The following DNAJB5 variants were observed in gnomAD, a reference collection of about 807,000 sequenced individuals.
The protein encoded by DNAJB5 is DnaJ heat shock protein family (Hsp40) member B5.
Under a neutral mutation model 32.6 loss-of-function variants are expected in DNAJB5, and 12 were observed. The observed-to-expected ratio is 0.37, with a 90% CI of 0.24 to 0.60. The LOEUF (loss-of-function observed/expected upper bound fraction) is 0.60. DNAJB5 is among the 20% of genes least tolerant of loss of function. DNAJB5 has a pLI of 0.71. For synonymous variants in DNAJB5, 188 were observed against 212.9 expected (o/e 0.88, Z 1.02); for missense variants, 358 against 554.2 (o/e 0.65, Z 3.55).
chr9:34,990,678 A>C lies in DNAJB5; in HGVS notation c.48A>C (p.Pro16=). The C allele has an allele frequency of 6.4e-7, 1 of 1,551,504 alleles. No homozygotes were observed. Among genetic ancestry groups the C allele is most frequent in the East Asian group, 2.4e-5 (1 of 40,890 alleles). Residue 16 remains proline, a synonymous_variant, in exon 2 of 5, where the codon CCA becomes CCC. Transcript: ENST00000682809. This position sits in a 1 kb window ranked among gnomAD's most constrained non-coding sequence, Gnocchi z 4.5. The part of the protein sequence containing the change: ...VLSCPPPAAP[P]LQARGAFRSF... Reference sequence around the variant, plus strand: ...CCTGCCCACCCCCAGCAGCACCCCCACTGCAGGCCCGAGGAGCTTTCCGGA... The same window carrying C: ...CCTGCCCACCCCCAGCAGCACCCCCCCTGCAGGCCCGAGGAGCTTTCCGGA...
intron 2 of DNAJB5, chr9:34,992,212 T>G (rs1827669142): frequency 6.6e-6 from 1 of 152,288 alleles, no homozygotes; most frequent in Admixed American, 6.5e-5. Context: ...TGTACGTTTC[T>G]CTTATAACAA....
Position 34,990,383 on chromosome 9 carries a change from C to T in DNAJB5, c.-132-116C>T. The T allele has an allele frequency of 6.6e-7, 1 of 1,519,882 alleles. No individual in the cohort carries two copies. The highest frequency in any genetic ancestry group is 8.8e-7 in the Non-Finnish European group (1 of 1,137,506). The allele number at this position is 1,519,882 out of a possible 1,614,324, so 94.1% of individuals were successfully genotyped here. ...TGCCACTCACAAACACACGCTTGCA[C>T]TCCCAGCCTCACTGACACGCTGCCA... On this transcript the variant is annotated intron_variant, in intron 1 of 4. Transcript: ENST00000682809. This position sits in a 1 kb window ranked among gnomAD's most constrained non-coding sequence, Gnocchi z 4.5.
Position 34,990,035 on chromosome 9 carries a change from G to T in DNAJB5, c.-133+204G>T, listed in dbSNP as rs548704000. 1.2e-4 allele frequency among the ~76,000 whole-genome samples: 19 copies of T among 152,080 alleles called. No individual in the cohort carries two copies. The highest frequency in any genetic ancestry group is 4.3e-4 in the African/African-American group (18 of 41,496). ...GCAGCCAGCGTCTGAGTCGGGGAGG[G>T]GAGGGGAGGGGAGGGTCGAGTCGGA... On this transcript the variant is annotated intron_variant, in intron 1 of 4. Transcript: ENST00000682809. The surrounding 1 kb of genome is among the most constrained non-coding windows in gnomAD (Gnocchi z 4.5).
At position 34,991,618 on chromosome 9, in the gene DNAJB5, C is replaced by G. The variant is rs544438292; in HGVS notation, c.182+806C>G. The G allele has an allele frequency of 2.1e-4, 45 of 209,996 alleles. 1 individual carries two copies. The highest frequency in any genetic ancestry group is 1.4e-3 in the South Asian group (43 of 30,714). 13.0% of individuals were successfully genotyped at this position (209,996 alleles called of 1,614,324 possible). ...GTTGAGGCAGAAATGGCAGACCACC[C>G]CCCCCCGCTCCCTCTCAGACGGCTT... On this transcript the variant is annotated intron_variant, in intron 2 of 4. Transcript: ENST00000682809.
In DNAJB5 at chr9:34,993,401, T is replaced by C. The variant is rs749351891; in HGVS notation, c.384T>C (p.Ser128=). ...KEIAEAYDVL[S]DPKKRGLYDQ... ...TTGCAGAGGCCTATGATGTGCTAAG[T>C]GACCCCAAGAAACGGGGCCTGTATG... The change falls in exon 3 of 5, where the codon AGT becomes AGC. Residue 128 remains serine (S), a synonymous_variant. Coordinates refer to ENST00000682809, the MANE Select transcript of DNAJB5 (RefSeq NM_001349723.3). This position sits in a 1 kb window ranked among gnomAD's most constrained non-coding sequence, Gnocchi z 4.7. 2 of 1,613,766 alleles carry C rather than the reference T, an allele frequency of 1.2e-6. No homozygotes were observed. The highest frequency in any genetic ancestry group is 3.3e-5 in the Admixed American group (2 of 59,954).
Position 34,990,726 on chromosome 9 carries a change from A to C in DNAJB5, c.96A>C (p.Glu32Asp), listed in dbSNP as rs763366755. 11 of 1,551,706 alleles carry C rather than the reference A, an allele frequency of 7.1e-6. No homozygotes were observed. The highest frequency in any genetic ancestry group is 1.7e-6 in the Non-Finnish European group (2 of 1,146,984). Residue 32 changes from glutamate to aspartate, a missense_variant, in exon 2 of 5, where the codon GAA becomes GAC. Physicochemically the swap from Glu to Asp is conservative, Grantham distance 45. Transcript: ENST00000682809. The surrounding 1 kb of genome is among the most constrained non-coding windows in gnomAD (Gnocchi z 4.5). Reference sequence around the variant, plus strand: ...GGAGCTTCCCACACTCCTGGGGAGAAGACTTCTTAGCCAGCTTGATGTTTA... The same window carrying C: ...GGAGCTTCCCACACTCCTGGGGAGACGACTTCTTAGCCAGCTTGATGTTTA... ...AFRSFPHSWG[E>D]DFLASLMFKI...
In DNAJB5 at chr9:34,990,026, T is replaced by G; in HGVS notation, c.-133+195T>G. 2.4e-5 allele frequency among the ~76,000 whole-genome samples: 3 copies of G among 124,160 alleles called. No homozygotes were observed. Among genetic ancestry groups the G allele is most frequent in the Admixed American group, 8.2e-5 (1 of 12,140 alleles). 81.5% of individuals were successfully genotyped at this position (124,160 alleles called of 152,430 possible). On this transcript the variant is annotated intron_variant, in intron 1 of 4. Transcript: ENST00000682809. This position sits in a 1 kb window ranked among gnomAD's most constrained non-coding sequence, Gnocchi z 4.5. ...TCACAGGGGGCAGCCAGCGTCTGAGTCGGGGAGGGGAGGGGAGGGGAGGGT... is the reference window on the plus strand; with the variant it reads ...TCACAGGGGGCAGCCAGCGTCTGAGGCGGGGAGGGGAGGGGAGGGGAGGGT...
chr9:34,990,168 TCTCCTCGCCGCGCCTTTTGTCC>T lies in DNAJB5; in HGVS notation c.-132-329_-132-308del. On this transcript the variant is annotated intron_variant, in intron 1 of 4. Coordinates refer to ENST00000682809, the MANE Select transcript of DNAJB5 (RefSeq NM_001349723.3). This position sits in a 1 kb window ranked among gnomAD's most constrained non-coding sequence, Gnocchi z 4.5. ...CCCCCGCCCGAGCCCCCTCCCCTCC[TCTCCTCGCCGCGCCTTTTGTCC>T]CGGCCGAGCTCCGCTCTGCCCCGCC... 2.0e-6 allele frequency: 1 copy of T among 488,730 alleles called. No individual in the cohort carries two copies. The highest frequency in any genetic ancestry group is 3.3e-6 in the Non-Finnish European group (1 of 298,796). The allele number at this position is 488,730 out of a possible 1,614,324, so 30.3% of individuals were successfully genotyped here.
chr9:34,994,247 A>G (rs1360702352), intron 3 of DNAJB5, among the ~76,000 whole-genome samples: 2 of 152,132 alleles, frequency 1.3e-5, no homozygotes, highest in Non-Finnish European at 2.9e-5. Flanking sequence ...TTCCTCCCCA[A>G]CAGAATCCAC....
In DNAJB5 at chr9:34,990,868, G is replaced by A. The variant is rs1012596736; in HGVS notation, c.182+56G>A. On this transcript the variant is annotated intron_variant, in intron 2 of 4. Coordinates refer to ENST00000682809, the MANE Select transcript of DNAJB5 (RefSeq NM_001349723.3). This position sits in a 1 kb window ranked among gnomAD's most constrained non-coding sequence, Gnocchi z 4.5. ...CCATACCCAGTCAAACCCTCCACGC[G>A]GCCATCCCCTCCATTGCCTTCCTGC... 6.7e-6 allele frequency: 10 copies of A among 1,494,512 alleles called. No homozygotes were observed. Among genetic ancestry groups the A allele is most frequent in the African/African-American group, 1.4e-5 (1 of 71,662 alleles). 92.6% of individuals were successfully genotyped at this position (1,494,512 alleles called of 1,614,324 possible).
At position 34,996,109 on chromosome 9, in the gene DNAJB5, G is replaced by A. The variant is rs1827784245; in HGVS notation, c.428-156G>A. 6.6e-6 allele frequency among the ~76,000 whole-genome samples: 1 copy of A among 152,162 alleles called. No homozygotes were observed. The highest frequency in any genetic ancestry group is 1.5e-5 in the Non-Finnish European group (1 of 68,024). On this transcript the variant is annotated intron_variant, in intron 3 of 4. Coordinates refer to ENST00000682809, the MANE Select transcript of DNAJB5 (RefSeq NM_001349723.3). The surrounding 1 kb of genome is among the most constrained non-coding windows in gnomAD (Gnocchi z 7.2). ...TTAGGAATGGAAGATAATCTTGCCA[G>A]AAGCCTTTCTTACTCTATTAGCCTG...
At chr9:34,991,555 T>C (rs1343183018) in intron 2 of DNAJB5, 1 of 400,734 alleles carries the variant, frequency 2.5e-6, no homozygotes, top group Non-Finnish European at 5.1e-6. Flanking sequence ...CTTGGTGTGC[T>C]AGGGTTCTTT....
rs1554662749 is a variant in DNAJB5, at chr9:34,991,677, C to CCCG, written c.182+867_182+868insGCC. 76 of 261,098 alleles carry CCCG rather than the reference C, an allele frequency of 2.9e-4. 3 individuals are homozygous for CCCG. Among genetic ancestry groups the CCCG allele is most frequent in the Non-Finnish European group, 4.4e-4 (56 of 128,516 alleles). The allele number at this position is 261,098 out of a possible 1,614,324, so 16.2% of individuals were successfully genotyped here. ...ATTTCCGAAAACGGTTGCCCCCCCCCCCAACGAGGTGCTCTTTCTTCTCTG... is the reference window on the plus strand; with the variant it reads ...ATTTCCGAAAACGGTTGCCCCCCCCCCCGCCAACGAGGTGCTCTTTCTTCTCTG... On this transcript the variant is annotated intron_variant, in intron 2 of 4. Transcript: ENST00000682809.
Position 34,990,408 on chromosome 9 carries a change from A to G in DNAJB5, c.-132-91A>G. On this transcript the variant is annotated intron_variant, in intron 1 of 4. Coordinates refer to ENST00000682809, the MANE Select transcript of DNAJB5 (RefSeq NM_001349723.3). This position sits in a 1 kb window ranked among gnomAD's most constrained non-coding sequence, Gnocchi z 4.5. ...CTCCCAGCCTCACTGACACGCTGCCATACAGCCGCTCACAGCCAGCCAGAC... is the reference window on the plus strand; with the variant it reads ...CTCCCAGCCTCACTGACACGCTGCCGTACAGCCGCTCACAGCCAGCCAGAC... 2 of 1,528,850 alleles carry G rather than the reference A, an allele frequency of 1.3e-6. No individual in the cohort carries two copies. Among genetic ancestry groups the G allele is most frequent in the Non-Finnish European group, 1.8e-6 (2 of 1,142,852 alleles). The allele number at this position is 1,528,850 out of a possible 1,614,324, so 94.7% of individuals were successfully genotyped here. A position where few individuals can be genotyped will look rare whatever the true frequency, so the allele number is the denominator to read the frequency against.
Position 34,993,001 on chromosome 9 carries a change from A to G in DNAJB5, c.183-199A>G. On this transcript the variant is annotated intron_variant, in intron 2 of 4. Coordinates refer to ENST00000682809, the MANE Select transcript of DNAJB5 (RefSeq NM_001349723.3). The surrounding 1 kb of genome is among the most constrained non-coding windows in gnomAD (Gnocchi z 4.7). The stretch of plus-strand genomic sequence containing the variant: ...AAACCCAGGAGGTGAGGACGGAATC[A>G]CAGAATTCTAGAATGTCAGAGCCAG... The G allele has an allele frequency of 7.1e-7, 1 of 1,414,110 alleles. No homozygotes were observed. The highest frequency in any genetic ancestry group is 9.2e-7 in the Non-Finnish European group (1 of 1,089,212). The allele number at this position is 1,414,110 out of a possible 1,614,324, so 87.6% of individuals were successfully genotyped here. A position where few individuals can be genotyped will look rare whatever the true frequency, so the allele number is the denominator to read the frequency against.
rs1216183827 is a variant in DNAJB5 at position 34,997,018 on chromosome 9, T to C, written c.1030-8T>C. 6 of 1,611,582 alleles carry C rather than the reference T, an allele frequency of 3.7e-6. No individual in the cohort carries two copies. The Admixed American group carries it at 5.0e-5, about 13-fold the overall frequency. On this transcript the variant is annotated splice_region_variant and splice_polypyrimidine_tract_variant and intron_variant, in intron 4 of 4. Coordinates refer to ENST00000682809, the MANE Select transcript of DNAJB5 (RefSeq NM_001349723.3). The surrounding 1 kb of genome is among the most constrained non-coding windows in gnomAD (Gnocchi z 4.1). ...CCTTTTCCTCACTTTCTGCTTCGTC[T>C]TTCCCAGGCGCTGTGTGGCTGCACT...
At chr9:34,991,155 C>G in intron 2 of DNAJB5, 1 of 413,924 alleles carries the variant, frequency 2.4e-6, no homozygotes, top group Non-Finnish European at 4.7e-6. Context: ...TCAGCCATCT[C>G]CCCTCCCTGT....
intron 2 of DNAJB5, chr9:34,992,962 G>A: frequency 2.9e-6 from 4 of 1,362,688 alleles, no homozygotes; most frequent in Non-Finnish European, 3.8e-6. Context: ...ACAACCTTCA[G>A]CTTCCTGCTG....
Position 34,996,456 on chromosome 9 carries a change from G to A in DNAJB5, c.619G>A (p.Glu207Lys). 6.2e-7 allele frequency: 1 copy of A among 1,614,198 alleles called. No homozygotes were observed. Among genetic ancestry groups the A allele is most frequent in the Non-Finnish European group, 8.5e-7 (1 of 1,180,036 alleles). The change falls in exon 4 of 5, where the codon GAG (glutamate) becomes AAG (lysine). Residue 207 changes from glutamate (E) to lysine (K), a missense_variant. Physicochemically the swap from Glu to Lys is moderately conservative, Grantham distance 56. This residue lies in a region of DNAJB5 where 248 missense variants were observed against 442.6 expected (regional missense o/e 0.56). Transcript: ENST00000682809. The surrounding 1 kb of genome is among the most constrained non-coding windows in gnomAD (Gnocchi z 7.2). ...DPDDMDVDED[E>K]DPFGAFGRFG... ...AGATGACATGGATGTGGATGAAGAT[G>A]AGGACCCATTTGGCGCTTTCGGCCG...
Sources: gnomAD v4.1 joint callset for allele counts (sites outside exome capture counted in the v4.1 genomes callset) on GRCh38, gnomAD v4.1.1 for gene constraint, gnomAD v4.1.1 regional missense constraint, Gnocchi (gnomAD v3.1) non-coding constraint, MANE v1.5 for transcripts, NCBI Gene and HGNC (gene_info 2026-07-23, HGNC 2026-07-21) for gene names.